The following FAM227B variants were observed in gnomAD, a reference collection of about 807,000 sequenced individuals.
FAM227B encodes the protein family with sequence similarity 227 member B.
Under a neutral mutation model 73.8 loss-of-function variants are expected in FAM227B, and 88 were observed. That is an observed-to-expected ratio of 1.19 (90% CI 1.00 to 1.42). The LOEUF is 1.42. Ranked by LOEUF, FAM227B falls within the 40% of genes most tolerant of loss-of-function variation. The probability of loss-of-function intolerance (pLI) is 0.00; values close to 1 mark genes in which losing one functional copy is unlikely to be tolerated. For missense variants in FAM227B, 632 were observed against 590.9 expected, an observed-to-expected ratio of 1.07 and a Z score of -0.72; for synonymous variants, 210 against 190.5, an observed-to-expected ratio of 1.10 and a Z score of -0.84.
In FAM227B at chr15:49,577,645, G is replaced by A. The variant is rs1354255851; in HGVS notation, c.425C>T (p.Thr142Ile). ...KKIMLSDEMETEKNIEGCSFT... is the reference protein window; with the variant it reads ...KKIMLSDEMEIEKNIEGCSFT... ...TTTAAGTACCTCTATATTCTTCTCTGTCTCCATTTCATCTGAAAGCTGGAA... is the reference window on the plus strand; with the variant it reads ...TTTAAGTACCTCTATATTCTTCTCTATCTCCATTTCATCTGAAAGCTGGAA... The change falls in exon 6 of 16, where the codon ACA becomes ATA. Residue 142 changes from threonine (T) to isoleucine (I), a missense_variant. Coordinates refer to ENST00000299338, the MANE Select transcript of FAM227B (RefSeq NM_152647.3). The A allele has an allele frequency of 1.3e-6, 2 of 1,565,774 alleles. No individual in the cohort carries two copies. The highest frequency in any genetic ancestry group is 1.7e-6 in the Non-Finnish European group (2 of 1,147,576).
chr15:49,424,651 G>A, intron 11 of FAM227B: 1 of 1,203,874 alleles, frequency 8.3e-7, no homozygotes, highest in Non-Finnish European at 1.1e-6. Flanking sequence ...CAGGTGATAT[G>A]TTTTCTCATC....
At chr15:49,367,834 T>C (rs1296777049) in intron 12 of FAM227B, 1 of 233,164 alleles carries the variant, frequency 4.3e-6, no homozygotes, top group Non-Finnish European at 7.7e-6. Context: ...GACTTGCATA[T>C]AGGCAATAGA....
At chr15:49,441,331 T>C (rs1935310012) in intron 11 of FAM227B, among the ~76,000 whole-genome samples, 1 of 151,754 alleles carries the variant, frequency 6.6e-6, no homozygotes. Flanking sequence ...GGGGATACAA[T>C]GATTAGAAAG....
intron 15 of FAM227B, chr15:49,329,501 A>G: frequency 9.1e-6 from 9 of 985,338 alleles, no homozygotes; most frequent in Non-Finnish European, 1.1e-5. Context: ...CTAGAATTTC[A>G]GTTTAAGGGA....
At chr15:49,600,914 C>T (rs1477782838) in intron 3 of FAM227B, among the ~76,000 whole-genome samples, 3 of 149,472 alleles carry the variant, frequency 2.0e-5, no homozygotes, top group African/African-American at 2.5e-5. Flanking sequence ...TGGTGGTGTG[C>T]GCCTGTAATC....
intron 13 of FAM227B, among the ~76,000 whole-genome samples, chr15:49,357,048 C>T (rs1438806090): frequency 7.3e-5 from 11 of 151,322 alleles, no homozygotes; most frequent in African/African-American, 2.4e-4. Flanking sequence ...AGAACAAAGA[C>T]ACAACATACC....
chr15:49,509,263 A>T lies in FAM227B; in HGVS notation c.875-915T>A, dbSNP rs192534608. On this transcript the variant is annotated intron_variant, in intron 10 of 15. Transcript: ENST00000299338. ...AAAAATCAAAAAGCATTTAAAAAAC[A>T]TGCTCATGGGCAAGTTGCCTCTAGG... Among the ~76,000 whole-genome samples the T allele has an allele frequency of 2.0e-3, 300 of 152,290 alleles. 1 individual carries two copies. The highest frequency in any genetic ancestry group is 6.9e-3 in the African/African-American group (287 of 41,562).
chr15:49,561,550 A>C (rs1472032859), intron 9 of FAM227B, among the ~76,000 whole-genome samples: 1 of 152,236 alleles, frequency 6.6e-6, no homozygotes, highest in South Asian at 2.1e-4. Context: ...CCACCCATCA[A>C]CTAGAAATGT....
At chr15:49,393,817 G>T (rs1398739178) in intron 11 of FAM227B, among the ~76,000 whole-genome samples, 5 of 152,086 alleles carry the variant, frequency 3.3e-5, no homozygotes, top group African/African-American at 1.2e-4. Flanking sequence ...GAAACAAACA[G>T]AATTTATGGA....
At chr15:49,340,542 T>C (rs184001451) in intron 13 of FAM227B, among the ~76,000 whole-genome samples, 7 of 152,252 alleles carry the variant, frequency 4.6e-5, no homozygotes, top group Admixed American at 1.3e-4. Flanking sequence ...TGCTGGAAGC[T>C]GCAGACCAGC....
Position 49,589,869 on chromosome 15 carries a change from A to G in FAM227B, c.244T>C (p.Leu82=), listed in dbSNP as rs192226404. ...TCCTTTAATTTTGATTCCATGATCA[A>G]AAGTGCTTCAAATATTCGAGGAACA... The part of the protein sequence containing the change: ...ENVPRIFEAL[L]IMESKLKEYS... Residue 82 remains leucine, a synonymous_variant, in exon 4 of 16, where the codon TTG becomes CTG. Transcript: ENST00000299338. The G allele has an allele frequency of 1.9e-5, 30 of 1,607,962 alleles. No individual in the cohort carries two copies. The highest frequency in any genetic ancestry group is 2.4e-5 in the Non-Finnish European group (28 of 1,174,432).
chr15:49,486,898 C>T (rs1467230110), intron 11 of FAM227B: 1 of 151,892 alleles, frequency 6.6e-6, no homozygotes, highest in Admixed American at 6.6e-5. Flanking sequence ...GCCTCCATCC[C>T]TCTTACTCAT....
At chr15:49,339,411 G>T (rs1288538682) in intron 13 of FAM227B, among the ~76,000 whole-genome samples, 1 of 152,136 alleles carries the variant, frequency 6.6e-6, no homozygotes. Context: ...GTCTGCTGTA[G>T]GTCCGCCCCA....
chr15:49,358,136 GA>G (rs2043506203), intron 13 of FAM227B, among the ~76,000 whole-genome samples: 1 of 151,200 alleles, frequency 6.6e-6, no homozygotes, highest in Non-Finnish European at 1.5e-5. Context: ...ATATCATACT[GA>G]ATGGGCAAAA....
chr15:49,576,608 TTCCTGC>T, intron 7 of FAM227B, 127 bp downstream of exon 7: 1 of 617,790 alleles, frequency 1.6e-6, no homozygotes, highest in Non-Finnish European at 2.8e-6. Flanking sequence ...TCACTGGTCT[TTCCTGC>T]CAAATTTAAT....
chr15:49,352,777 A>C (rs2042435759), intron 13 of FAM227B, among the ~76,000 whole-genome samples: 1 of 152,180 alleles, frequency 6.6e-6, no homozygotes, highest in South Asian at 2.1e-4. Context: ...AAATTATAAT[A>C]TCAAAACCTC....
At chr15:49,387,842 A>G (rs2046975291) in intron 11 of FAM227B, among the ~76,000 whole-genome samples, 1 of 151,826 alleles carries the variant, frequency 6.6e-6, no homozygotes, top group Non-Finnish European at 1.5e-5. Flanking sequence ...TCAAGCTGAG[A>G]ATCAGATCAA....
At chr15:49,393,380 C>G (rs572769828) in intron 11 of FAM227B, among the ~76,000 whole-genome samples, 8 of 152,270 alleles carry the variant, frequency 5.3e-5, no homozygotes, top group Admixed American at 5.2e-4. Context: ...TGTCAGTTCC[C>G]TACCCTTTCA....
intron 3 of FAM227B, among the ~76,000 whole-genome samples, chr15:49,593,135 C>T (rs534687728): frequency 2.0e-5 from 3 of 152,306 alleles, no homozygotes; most frequent in East Asian, 1.9e-4. Flanking sequence ...TGACCCCTTG[C>T]GCTTCCTGGG....
Sources: gnomAD v4.1 joint callset for allele counts (sites outside exome capture counted in the v4.1 genomes callset) on GRCh38, gnomAD v4.1.1 for gene constraint, MANE v1.5 for transcripts, NCBI Gene and HGNC (gene_info 2026-07-23, HGNC 2026-07-21) for gene names.